ZNRF1: variants seen among roughly 807,000 people sequenced by gnomAD.
ZNRF1 encodes zinc and ring finger 1, also known as E3 ubiquitin-protein ligase ZNRF1.
Under a neutral mutation model 18.4 loss-of-function variants are expected in ZNRF1, and 3 were observed. The observed-to-expected ratio is 0.16, with a 90% confidence interval of 0.07 to 0.42. The LOEUF (loss-of-function observed/expected upper bound fraction) is 0.42, where lower values mean the gene tolerates loss of function less well. Among genes scored for constraint, ZNRF1 ranks in the 10% least tolerant of loss-of-function variants. The pLI, the probability that ZNRF1 is intolerant of heterozygous loss-of-function variation, is 0.99. For missense variants in ZNRF1, 310 were observed against 329.8 expected, an observed-to-expected ratio of 0.94 and a Z score of 0.47; for synonymous variants, 157 against 144.2, an observed-to-expected ratio of 1.09 and a Z score of -0.64.
intron 1 of ZNRF1, among the ~76,000 whole-genome samples, chr16:75,072,543 A>G (rs1268194997): frequency 6.6e-6 from 1 of 152,178 alleles, no homozygotes; most frequent in Non-Finnish European, 1.5e-5. Context: ...CCTGACACAG[A>G]GTAACCTGCA....
intron 1 of ZNRF1, among the ~76,000 whole-genome samples, chr16:75,064,374 G>GGT (rs2035777540): frequency 6.6e-6 from 1 of 151,890 alleles, no homozygotes; most frequent in Non-Finnish European, 1.5e-5. Flanking sequence ...TGGCCAACAT[G>GGT]GTGAAACACT....
chr16:75,061,779 T>G (rs571788091), intron 1 of ZNRF1, among the ~76,000 whole-genome samples: 1 of 152,292 alleles, frequency 6.6e-6, no homozygotes, highest in Non-Finnish European at 1.5e-5. Context: ...TTTCACTCCT[T>G]TAGGTTTCTT....
intron 1 of ZNRF1, among the ~76,000 whole-genome samples, chr16:75,070,207 G>A (rs544571494): frequency 1.6e-4 from 24 of 152,252 alleles, no homozygotes; most frequent in Middle Eastern, 3.4e-3. Flanking sequence ...CAGCCCACTG[G>A]CCCCAGGAGC....
At chr16:75,088,634 G>C (rs1303628562) in intron 1 of ZNRF1, among the ~76,000 whole-genome samples, 1 of 152,176 alleles carries the variant, frequency 6.6e-6, no homozygotes, top group African/African-American at 2.4e-5. Flanking sequence ...GAGCAAGAGC[G>C]CAGACTTCCT....
intron 1 of ZNRF1, among the ~76,000 whole-genome samples, chr16:75,032,326 C>T (rs547174553): frequency 6.6e-5 from 10 of 152,006 alleles, no homozygotes; most frequent in African/African-American, 2.4e-4. Flanking sequence ...CCAGGCTGGT[C>T]TTGAACTCCT....
At chr16:75,057,601 A>C (rs1186322358) in intron 1 of ZNRF1, among the ~76,000 whole-genome samples, 1 of 152,134 alleles carries the variant, frequency 6.6e-6, no homozygotes, top group Non-Finnish European at 1.5e-5. Context: ...ATTCGATGGA[A>C]TTGGTTCTTT....
intron 1 of ZNRF1, among the ~76,000 whole-genome samples, chr16:75,063,447 C>T (rs1215161905): frequency 2.0e-5 from 3 of 152,216 alleles, no homozygotes; most frequent in Non-Finnish European, 4.4e-5. Flanking sequence ...TGATGTCTCC[C>T]ACCTCCATCC....
chr16:75,062,401 T>C (rs956531019), intron 1 of ZNRF1, among the ~76,000 whole-genome samples: 12 of 152,234 alleles, frequency 7.9e-5, no homozygotes, highest in African/African-American at 2.9e-4. Flanking sequence ...GACCTTTTGC[T>C]AAAGTTGGCA....
intron 4 of ZNRF1, 40 bp from the exon 5 acceptor site, chr16:75,107,693 G>A (rs1490432226): frequency 1.8e-5 from 8 of 456,116 alleles, no homozygotes; most frequent in South Asian, 3.1e-5. Flanking sequence ...GACAGCCCTC[G>A]GCCCGATGGA....
chr16:75,078,059 C>T (rs962939253), intron 1 of ZNRF1, among the ~76,000 whole-genome samples: 1 of 152,158 alleles, frequency 6.6e-6, no homozygotes, highest in Non-Finnish European at 1.5e-5. Context: ...CCTACCACAC[C>T]TTTATACAAC....
chr16:75,051,050 CAAAA>C (rs1343157970), intron 1 of ZNRF1, among the ~76,000 whole-genome samples: 1 of 17,792 alleles, frequency 5.6e-5, no homozygotes, highest in Non-Finnish European at 5.7e-4. Flanking sequence ...AAAAAAAAAA[CAAAA>C]CCTGGGTGTC....
chr16:75,090,600 C>T (rs566505438), intron 1 of ZNRF1, among the ~76,000 whole-genome samples: 2 of 152,230 alleles, frequency 1.3e-5, no homozygotes, highest in Non-Finnish European at 2.9e-5. Flanking sequence ...CCACCAAAGT[C>T]CTTGGATTGG....
At chr16:75,011,668 G>A (rs1345895225) in intron 1 of ZNRF1, among the ~76,000 whole-genome samples, 2 of 152,166 alleles carry the variant, frequency 1.3e-5, no homozygotes, top group Non-Finnish European at 2.9e-5. Flanking sequence ...CCAGTGCCCT[G>A]GAAAGCTATA....
intron 1 of ZNRF1, among the ~76,000 whole-genome samples, chr16:75,001,421 GGAT>G (rs71378731): frequency 0.45 from 68,678 of 151,714 alleles, 16,600 homozygotes; most frequent in Non-Finnish European, 0.55. Flanking sequence ...TGAATTGTTA[GGAT>G]GATATTTTAA....
chr16:75,050,970 A>G (rs1165363536), intron 1 of ZNRF1, among the ~76,000 whole-genome samples: 2 of 143,510 alleles, frequency 1.4e-5, no homozygotes, highest in Non-Finnish European at 3.0e-5. Context: ...AAGCAGGAGG[A>G]TGGCTTGAGC....
intron 1 of ZNRF1, among the ~76,000 whole-genome samples, chr16:75,023,697 C>CA (rs112959611): frequency 0.41 from 60,742 of 148,658 alleles, 14,913 homozygotes; most frequent in Non-Finnish European, 0.55. Flanking sequence ...AACAAACAAA[C>CA]AAAAAAAACA....
intron 1 of ZNRF1, among the ~76,000 whole-genome samples, chr16:75,018,069 A>T (rs980409056): frequency 6.6e-6 from 1 of 152,130 alleles, no homozygotes; most frequent in Non-Finnish European, 1.5e-5. Context: ...ATCATATAGG[A>T]CTCATATGAA....
At chr16:75,042,435 GTTTC>G (rs1245167707) in intron 1 of ZNRF1, among the ~76,000 whole-genome samples, 4 of 116,114 alleles carry the variant, frequency 3.4e-5, no homozygotes, top group African/African-American at 1.2e-4. Context: ...GGGAGTGTCT[GTTTC>G]TTTCTTTTTT....
intron 1 of ZNRF1, among the ~76,000 whole-genome samples, chr16:75,039,878 A>G (rs2035420671): frequency 6.6e-6 from 1 of 152,190 alleles, no homozygotes; most frequent in Non-Finnish European, 1.5e-5. Flanking sequence ...AGGAACCTGC[A>G]GTTAGGGATC....
Sources: allele counts gnomAD v4.1 joint callset (sites outside exome capture counted in the v4.1 genomes callset), GRCh38; gene constraint gnomAD v4.1.1; transcripts MANE v1.5; gene names NCBI Gene and HGNC (gene_info 2026-07-23, HGNC 2026-07-21).